XIRP2: variants seen among roughly 807,000 people sequenced by gnomAD.
XIRP2 encodes the protein xin actin binding repeat containing 2, also known as xin actin-binding repeat-containing protein 2.
XIRP2 carries 236 observed loss-of-function variants against 277.0 expected under a neutral mutation model. That is an observed-to-expected ratio of 0.85 (90% CI 0.77 to 0.95). The LOEUF (loss-of-function observed/expected upper bound fraction) is 0.95. Among genes scored for constraint, XIRP2 ranks in the 40% least tolerant of loss-of-function variants. The pLI, the probability that XIRP2 is intolerant of heterozygous loss-of-function variation, is 0.00. For synonymous variants in XIRP2, 1,490 were observed against 1,416.5 expected (o/e 1.05, Z -1.17); for missense variants, 4,640 against 4,157.5 (o/e 1.12, Z -3.19).
chr2:167,166,184 A>G (rs929045889), intron 3 of XIRP2, among the ~76,000 whole-genome samples: 1 of 152,170 alleles, frequency 6.6e-6, no homozygotes, highest in African/African-American at 2.4e-5. Context: ...AAAATATTTT[A>G]AATATCTTGA....
At chr2:166,942,312 G>A (rs974342716) in intron 2 of XIRP2, among the ~76,000 whole-genome samples, 4 of 152,314 alleles carry the variant, frequency 2.6e-5, no homozygotes, top group African/African-American at 9.6e-5. Context: ...TTGGAGTCAA[G>A]CAAAGACATC....
intron 2 of XIRP2, among the ~76,000 whole-genome samples, chr2:167,006,769 A>G (rs190245463): frequency 1.3e-5 from 2 of 151,886 alleles, no homozygotes; most frequent in East Asian, 1.9e-4. Context: ...CAGCACACCA[A>G]TAAATTTTCT....
At chr2:167,066,036 T>A (rs1689295461) in intron 2 of XIRP2, among the ~76,000 whole-genome samples, 1 of 151,788 alleles carries the variant, frequency 6.6e-6, no homozygotes, top group Non-Finnish European at 1.5e-5. Context: ...AACATATCCA[T>A]CACTTCCAGA....
chr2:166,912,896 G>A (rs1468651458), intron 2 of XIRP2, among the ~76,000 whole-genome samples: 1 of 152,178 alleles, frequency 6.6e-6, no homozygotes, highest in Non-Finnish European at 1.5e-5. Flanking sequence ...CTGGGTATCA[G>A]CAGCAGAGGC....
chr2:167,070,223 G>A (rs1689404554), intron 2 of XIRP2, among the ~76,000 whole-genome samples: 1 of 151,876 alleles, frequency 6.6e-6, no homozygotes, highest in Non-Finnish European at 1.5e-5. Context: ...CTTGTATTTG[G>A]ATCCCTCCAA....
At chr2:167,181,261 C>A (rs1385489157) in intron 3 of XIRP2, among the ~76,000 whole-genome samples, 1 of 152,160 alleles carries the variant, frequency 6.6e-6, no homozygotes, top group Non-Finnish European at 1.5e-5. Context: ...TCAAAGCAAA[C>A]TTAGACTGTG....
chr2:166,969,979 A>G (rs1291222029), intron 2 of XIRP2, among the ~76,000 whole-genome samples: 1 of 152,054 alleles, frequency 6.6e-6, no homozygotes, highest in Non-Finnish European at 1.5e-5. Context: ...AACCATTAGC[A>G]TTCGGATCAT....
intron 3 of XIRP2, among the ~76,000 whole-genome samples, chr2:167,153,678 G>A (rs974353935): frequency 9.2e-5 from 14 of 151,740 alleles, no homozygotes; most frequent in East Asian, 1.9e-4. Context: ...TTGTTCTTGC[G>A]ATAGTTTACT....
chr2:166,927,916 G>C (rs562373524), intron 2 of XIRP2, among the ~76,000 whole-genome samples: 2 of 152,142 alleles, frequency 1.3e-5, no homozygotes, highest in South Asian at 4.1e-4. Context: ...GGCCCATAGC[G>C]TTCATCTAGC....
intron 1 of XIRP2, among the ~76,000 whole-genome samples, chr2:166,891,240 A>G (rs1487946283): frequency 6.6e-6 from 1 of 152,222 alleles, no homozygotes; most frequent in African/African-American, 2.4e-5. Flanking sequence ...AAATTCTTCT[A>G]ATAACTTGTC....
intron 1 of XIRP2, among the ~76,000 whole-genome samples, chr2:166,890,352 G>A (rs1489965959): frequency 2.6e-5 from 4 of 151,898 alleles, no homozygotes; most frequent in African/African-American, 9.7e-5. Flanking sequence ...TCACCTCTTG[G>A]TGCTTTCTAA....
chr2:166,943,374 C>G (rs1685772038), intron 2 of XIRP2, among the ~76,000 whole-genome samples: 1 of 152,188 alleles, frequency 6.6e-6, no homozygotes, highest in Non-Finnish European at 1.5e-5. Flanking sequence ...AATGGCTCTG[C>G]TCTCTCTTTG....
chr2:166,995,473 T>C (rs1011165900), intron 2 of XIRP2, among the ~76,000 whole-genome samples: 1 of 152,224 alleles, frequency 6.6e-6, no homozygotes, highest in Non-Finnish European at 1.5e-5. Flanking sequence ...ATTTTAAAGA[T>C]GCAGAAGCAG....
At chr2:167,239,527 G>C (rs879789466) in intron 5 of XIRP2, among the ~76,000 whole-genome samples, 20 of 152,190 alleles carry the variant, frequency 1.3e-4, no homozygotes, top group Non-Finnish European at 1.5e-4. Flanking sequence ...AGGGCTGTTA[G>C]CCCAGGGAAG....
At chr2:167,090,492 G>C (rs540119690) in intron 2 of XIRP2, among the ~76,000 whole-genome samples, 1 of 151,798 alleles carries the variant, frequency 6.6e-6, no homozygotes, top group Non-Finnish European at 1.5e-5. Flanking sequence ...GTTTTTATTT[G>C]TTTGAAAATA....
rs1480135277 is a variant in XIRP2 at position 167,242,590 on chromosome 2, A to C, written c.1198A>C (p.Thr400Pro). 6.2e-7 allele frequency: 1 copy of C among 1,612,614 alleles called. No homozygotes were observed. Among genetic ancestry groups the C allele is most frequent in the South Asian group, 1.1e-5 (1 of 90,852 alleles). The change falls in exon 9 of 11, where the codon ACT (threonine) becomes CCT (proline). Residue 400 changes from threonine (T) to proline (P), a missense_variant. Physicochemically the swap from Thr to Pro is conservative, Grantham distance 38. Transcript: ENST00000409195. Reference protein sequence around the residue: ...QIKTESEYEETFKPSSVVSTS... With the variant: ...QIKTESEYEEPFKPSSVVSTS... ...AAAGACTGAAAGTGAATATGAAGAG[A>C]CTTTCAAGCCATCATCAGTTGTGAG...
intron 2 of XIRP2, among the ~76,000 whole-genome samples, chr2:167,119,225 A>AT (rs1234536588): frequency 6.6e-6 from 1 of 152,082 alleles, no homozygotes; most frequent in Non-Finnish European, 1.5e-5. Context: ...AGGAAACTAG[A>AT]TTTTTTCCCC....
intron 3 of XIRP2, among the ~76,000 whole-genome samples, chr2:167,166,721 C>T (rs1692530208): frequency 6.6e-6 from 1 of 152,146 alleles, no homozygotes; most frequent in South Asian, 2.1e-4. Context: ...AGAACTCACT[C>T]ATCACCAAGG....
chr2:166,938,990 C>A (rs1362509085), intron 2 of XIRP2, among the ~76,000 whole-genome samples: 2 of 152,144 alleles, frequency 1.3e-5, no homozygotes, highest in Non-Finnish European at 2.9e-5. Flanking sequence ...TGTGTCTCTG[C>A]ACATGAGGTG....
Sources: allele counts gnomAD v4.1 joint callset (sites outside exome capture counted in the v4.1 genomes callset), GRCh38; gene constraint gnomAD v4.1.1; transcripts MANE v1.5; gene names NCBI Gene and HGNC (gene_info 2026-07-23, HGNC 2026-07-21).